The following RORB variants were observed in gnomAD, a reference collection of about 807,000 sequenced individuals.
The protein encoded by RORB is nuclear receptor ROR-beta.
Under a neutral mutation model 59.1 loss-of-function variants are expected in RORB, and 6 were observed. That is an observed-to-expected ratio of 0.10 (90% CI 0.06 to 0.20). The LOEUF (loss-of-function observed/expected upper bound fraction) is 0.20, where lower values mean the gene tolerates loss of function less well. Ranked by LOEUF, RORB falls within the 10% of genes least tolerant of loss-of-function variation. RORB has a pLI of 1.00. For missense variants in RORB, 320 were observed against 560.5 expected (o/e 0.57, Z 4.33); for synonymous variants, 215 against 204.5 (o/e 1.05, Z -0.44).
At chr9:74,530,545 AC>A (rs1166028273) in intron 1 of RORB, among the ~76,000 whole-genome samples, 3 of 151,978 alleles carry the variant, frequency 2.0e-5, no homozygotes, top group Non-Finnish European at 2.9e-5. Context: ...ACCAAAAGGA[AC>A]TGATCTGCAA....
At chr9:74,560,159 T>C (rs894430512) in intron 1 of RORB, among the ~76,000 whole-genome samples, 2 of 152,188 alleles carry the variant, frequency 1.3e-5, no homozygotes, top group African/African-American at 4.8e-5. Context: ...AAGGTTCTCA[T>C]ACAATACGTC....
intron 1 of RORB, among the ~76,000 whole-genome samples, chr9:74,518,337 AT>A (rs1826038332): frequency 1.3e-5 from 2 of 152,010 alleles, no homozygotes. Flanking sequence ...CCGAATGGGC[AT>A]TTAAAAAATT....
At chr9:74,615,756 C>G (rs568891389) in intron 1 of RORB, 1 of 283,604 alleles carries the variant, frequency 3.5e-6, no homozygotes, top group South Asian at 2.9e-5. Flanking sequence ...GGTGTGGGGA[C>G]AAAAAAATAT....
rs181660568 is a variant in RORB, at chr9:74,502,089, T to G, written c.7+4106T>G. Among the ~76,000 whole-genome samples the G allele has an allele frequency of 2.9e-4, 44 of 152,270 alleles. No homozygotes were observed. In the East Asian group the frequency reaches 7.3e-3, roughly 25 times the overall value. On this transcript the variant is annotated intron_variant, in intron 1 of 9. Coordinates refer to ENST00000376896, the MANE Select transcript of RORB (RefSeq NM_006914.4). ...TTATACTCTTAACCAAATATGAATGTTAACATTTACTTATTTTGGCAGCAA... is the reference window on the plus strand; with the variant it reads ...TTATACTCTTAACCAAATATGAATGGTAACATTTACTTATTTTGGCAGCAA...
intron 1 of RORB, among the ~76,000 whole-genome samples, chr9:74,613,515 G>A (rs1359277235): frequency 6.6e-6 from 1 of 152,084 alleles, no homozygotes; most frequent in Non-Finnish European, 1.5e-5. Context: ...AGTCCCTGCT[G>A]CCCGTTAGAA....
chr9:74,657,711 A>G (rs1196144570), intron 4 of RORB, among the ~76,000 whole-genome samples: 1 of 152,148 alleles, frequency 6.6e-6, no homozygotes, highest in Non-Finnish European at 1.5e-5. Flanking sequence ...GATACTTTAA[A>G]ACACAGGCAA....
chr9:74,534,177 T>C (rs1228350967), intron 1 of RORB, among the ~76,000 whole-genome samples: 1 of 152,038 alleles, frequency 6.6e-6, no homozygotes, highest in Non-Finnish European at 1.5e-5. Context: ...AAAAATAGAC[T>C]AAATGCCTTT....
intron 1 of RORB, among the ~76,000 whole-genome samples, chr9:74,583,616 A>G (rs1013177292): frequency 1.3e-5 from 2 of 151,934 alleles, no homozygotes; most frequent in South Asian, 4.2e-4. Context: ...AGATTTCCAA[A>G]AGTTACCCCC....
intron 1 of RORB, among the ~76,000 whole-genome samples, chr9:74,533,207 C>T (rs1295913903): frequency 6.6e-6 from 1 of 151,922 alleles, no homozygotes; most frequent in African/African-American, 2.4e-5. Flanking sequence ...ATCTCACAAA[C>T]GTAACTTCCC....
At chr9:74,661,700 A>T (rs550640667) in intron 5 of RORB, among the ~76,000 whole-genome samples, 2 of 121,132 alleles carry the variant, frequency 1.7e-5, no homozygotes, top group African/African-American at 6.5e-5. Flanking sequence ...GCTGGAGTGC[A>T]GTGGCGCGAT....
At chr9:74,677,130 C>A (rs1824456843) in intron 9 of RORB, among the ~76,000 whole-genome samples, 1 of 152,144 alleles carries the variant, frequency 6.6e-6, no homozygotes, top group African/African-American at 2.4e-5. Flanking sequence ...AAGACATAAT[C>A]CATACAGGCT....
chr9:74,593,250 T>G (rs1822925807), intron 1 of RORB, among the ~76,000 whole-genome samples: 1 of 152,044 alleles, frequency 6.6e-6, no homozygotes, highest in Middle Eastern at 3.2e-3. Flanking sequence ...GTGGATCACT[T>G]GAAGTCAGGA....
At position 74,545,801 on chromosome 9, in the gene RORB, C is replaced by T. The variant is rs191320333; in HGVS notation, c.7+47818C>T. Among the ~76,000 whole-genome samples the T allele has an allele frequency of 3.3e-3, 451 of 134,792 alleles. 1 individual carries two copies. Among genetic ancestry groups the T allele is most frequent in the African/African-American group, 0.011 (427 of 37,328 alleles). The allele number at this position is 134,792 out of a possible 152,430, so 88.4% of individuals were successfully genotyped here. A position where few individuals can be genotyped will look rare whatever the true frequency, so the allele number is the denominator to read the frequency against. On this transcript the variant is annotated intron_variant, in intron 1 of 9. Transcript: ENST00000376896. ...CACAATTGAGTAACTCTTATTTTACCTGACAGTTTTTTTTTTCAGGGGACA... is the reference window on the plus strand; with the variant it reads ...CACAATTGAGTAACTCTTATTTTACTTGACAGTTTTTTTTTTCAGGGGACA...
At chr9:74,572,178 T>C (rs1484608907) in intron 1 of RORB, among the ~76,000 whole-genome samples, 1 of 152,186 alleles carries the variant, frequency 6.6e-6, no homozygotes, top group East Asian at 1.9e-4. Flanking sequence ...TTTTTAAAAT[T>C]CAGACTGCTA....
At position 74,689,440 on chromosome 9, in the gene RORB, G is replaced by A. The variant is rs140336983; in HGVS notation, c.*3822G>A. The A allele has an allele frequency of 2.4e-4, 36 of 152,326 alleles. No homozygotes were observed. Among genetic ancestry groups the A allele is most frequent in the African/African-American group, 7.0e-4 (29 of 41,568 alleles). The allele number at this position is 152,326 out of a possible 1,614,324, so 9.4% of individuals were successfully genotyped here. A position where few individuals can be genotyped will look rare whatever the true frequency, so the allele number is the denominator to read the frequency against. On this transcript the variant is annotated 3_prime_UTR_variant, in exon 10 of 10. Transcript: ENST00000376896. ...TTTTATCCCCCAAAGACTGAAAGCT[G>A]AAGGTGGAGATGTTCTCCACAAACA...
intron 1 of RORB, among the ~76,000 whole-genome samples, chr9:74,575,958 T>A (rs1822628262): frequency 6.6e-6 from 1 of 152,080 alleles, no homozygotes; most frequent in Non-Finnish European, 1.5e-5. Context: ...TTTCTTTGCC[T>A]CCTTCTTAAT....
intron 1 of RORB, among the ~76,000 whole-genome samples, chr9:74,595,202 A>T (rs949229690): frequency 6.6e-6 from 1 of 152,214 alleles, no homozygotes; most frequent in Non-Finnish European, 1.5e-5. Context: ...TTGGCTCAGA[A>T]TGATGATCAT....
intron 1 of RORB, among the ~76,000 whole-genome samples, chr9:74,572,009 C>T (rs1335234312): frequency 6.6e-6 from 1 of 152,066 alleles, no homozygotes; most frequent in East Asian, 1.9e-4. Context: ...CCCTGGGGAA[C>T]TTTCTTTCTC....
chr9:74,538,728 C>A (rs1475212), intron 1 of RORB, among the ~76,000 whole-genome samples: 221 of 143,382 alleles, frequency 1.5e-3, no homozygotes, highest in South Asian at 3.7e-3. Flanking sequence ...GACAAAGATG[C>A]AAAAAAAAAA....
Sources: allele counts gnomAD v4.1 joint callset (sites outside exome capture counted in the v4.1 genomes callset), GRCh38; gene constraint gnomAD v4.1.1; transcripts MANE v1.5; gene names NCBI Gene and HGNC (gene_info 2026-07-23, HGNC 2026-07-21).